The following CDK6 variants were observed in gnomAD, a reference collection of about 807,000 sequenced individuals.
CDK6 encodes the protein cyclin dependent kinase 6, also known as cyclin-dependent kinase 6.
In CDK6, 6 loss-of-function variants were observed where a neutral mutation model predicts 37.1. That is an observed-to-expected ratio of 0.16 (90% CI 0.09 to 0.32). The LOEUF (loss-of-function observed/expected upper bound fraction) is 0.32, where lower values mean the gene tolerates loss of function less well. CDK6 is among the 10% of genes least tolerant of loss of function. CDK6 has a pLI of 1.00. For synonymous variants in CDK6, 160 were observed against 161.3 expected, an observed-to-expected ratio of 0.99 and a Z score of 0.06; for missense variants, 224 against 418.9, an observed-to-expected ratio of 0.53 and a Z score of 4.06.
chr7:92,717,813 G>C (rs1462699017), intron 4 of CDK6, among the ~76,000 whole-genome samples: 1 of 152,198 alleles, frequency 6.6e-6, no homozygotes, highest in Non-Finnish European at 1.5e-5. Context: ...CAATTAGATA[G>C]CCACATGCAT....
intron 3 of CDK6, among the ~76,000 whole-genome samples, chr7:92,726,335 T>C (rs1562948325): frequency 1.3e-5 from 2 of 152,194 alleles, no homozygotes; most frequent in African/African-American, 4.8e-5. Flanking sequence ...ATTACACCAT[T>C]TTACAGGTCA....
intron 2 of CDK6, among the ~76,000 whole-genome samples, chr7:92,782,547 C>T (rs115936116): frequency 0.019 from 2,890 of 152,296 alleles, 95 homozygotes; most frequent in African/African-American, 0.067. Flanking sequence ...GAGTAAAACT[C>T]TACACTGGGA....
At chr7:92,789,713 T>C (rs1229956239) in intron 2 of CDK6, among the ~76,000 whole-genome samples, 4 of 152,204 alleles carry the variant, frequency 2.6e-5, no homozygotes, top group African/African-American at 9.6e-5. Flanking sequence ...ACAGTGAGCC[T>C]GGGACTGTGG....
chr7:92,657,295 A>G (rs982272370), intron 5 of CDK6, among the ~76,000 whole-genome samples: 1 of 152,166 alleles, frequency 6.6e-6, no homozygotes, highest in African/African-American at 2.4e-5. Context: ...TTATTTTCCT[A>G]TTGTAAGCAG....
intron 2 of CDK6, among the ~76,000 whole-genome samples, chr7:92,776,104 C>T (rs1331731062): frequency 1.3e-5 from 2 of 151,258 alleles, no homozygotes; most frequent in East Asian, 3.9e-4. Context: ...TGTTCCCCTC[C>T]CTGTGTCCAT....
chr7:92,685,050 T>C (rs191862452), intron 4 of CDK6, among the ~76,000 whole-genome samples: 1 of 152,342 alleles, frequency 6.6e-6, no homozygotes, highest in Non-Finnish European at 1.5e-5. Context: ...TTGCTGTACT[T>C]ACTGAATTTT....
chr7:92,657,463 G>A (rs1796722769), intron 5 of CDK6, among the ~76,000 whole-genome samples: 1 of 152,134 alleles, frequency 6.6e-6, no homozygotes, highest in Non-Finnish European at 1.5e-5. Context: ...TATTCTTCAA[G>A]CCTAGGCACT....
chr7:92,621,647 T>C (rs1795807199), intron 6 of CDK6, among the ~76,000 whole-genome samples: 2 of 152,174 alleles, frequency 1.3e-5, no homozygotes, highest in African/African-American at 4.8e-5. Flanking sequence ...CAAAATATAT[T>C]CAACAGTCAT....
At chr7:92,774,469 A>G (rs1264989362) in intron 3 of CDK6, among the ~76,000 whole-genome samples, 1 of 152,124 alleles carries the variant, frequency 6.6e-6, no homozygotes, top group Non-Finnish European at 1.5e-5. Context: ...TTTTCCACTT[A>G]GTTCTAAAAT....
chr7:92,805,634 C>A (rs1562970287), intron 2 of CDK6, among the ~76,000 whole-genome samples: 1 of 152,132 alleles, frequency 6.6e-6, no homozygotes, highest in Non-Finnish European at 1.5e-5. Flanking sequence ...CTAGTAACAC[C>A]TACATGGCTT....
chr7:92,607,675 C>A lies in CDK6; in HGVS notation c.*7465G>T, dbSNP rs561903973. The A allele has an allele frequency of 8.6e-5, 20 of 232,100 alleles. No individual in the cohort carries two copies. In the South Asian group the frequency reaches 3.6e-3, roughly 42 times the overall value. 14.4% of individuals were successfully genotyped at this position (232,100 alleles called of 1,614,324 possible). A position where few individuals can be genotyped will look rare whatever the true frequency, so the allele number is the denominator to read the frequency against. ...GTGTGATTCAGAAATAAATAACATA[C>A]ATGAATAATAATAGAAATAATTTAT... On this transcript the variant is annotated 3_prime_UTR_variant, in exon 8 of 8. Coordinates refer to ENST00000424848, the MANE Select transcript of CDK6 (RefSeq NM_001145306.2).
At chr7:92,802,062 C>A (rs375396951) in intron 2 of CDK6, among the ~76,000 whole-genome samples, 1 of 144,328 alleles carries the variant, frequency 6.9e-6, no homozygotes, top group African/African-American at 2.5e-5. Flanking sequence ...GGGGAACAAG[C>A]GCAATTTTGC....
intron 4 of CDK6, among the ~76,000 whole-genome samples, chr7:92,706,870 C>A (rs1022645164): frequency 6.6e-6 from 1 of 152,196 alleles, no homozygotes; most frequent in East Asian, 1.9e-4. Flanking sequence ...AGAATAGATA[C>A]GTGTGTAGCC....
At chr7:92,774,873 AAAG>A (rs776810192) in intron 2 of CDK6, 42 bp from the exon 3 acceptor site, 2 of 1,588,560 alleles carry the variant, frequency 1.3e-6, no homozygotes, top group East Asian at 4.6e-5. Context: ...GGCAATAAGC[AAAG>A]AAGTAACCTG....
intron 4 of CDK6, 110 bp downstream of exon 4, chr7:92,725,516 C>T: frequency 1.6e-6 from 2 of 1,214,926 alleles, no homozygotes; most frequent in Non-Finnish European, 2.3e-6. Flanking sequence ...GACATTCTAT[C>T]CACCAACTAG....
chr7:92,710,584 T>G (rs1798067262), intron 4 of CDK6: 1 of 352,246 alleles, frequency 2.8e-6, no homozygotes. Flanking sequence ...GATTGGATAT[T>G]TTGTACTTGT....
chr7:92,693,224 GT>G (rs1483776025), intron 4 of CDK6, among the ~76,000 whole-genome samples: 1 of 152,122 alleles, frequency 6.6e-6, no homozygotes, highest in African/African-American at 2.4e-5. Flanking sequence ...GGAGGTATTT[GT>G]TTTTCTTACC....
At chr7:92,808,083 T>C (rs1466929361) in intron 2 of CDK6, among the ~76,000 whole-genome samples, 3 of 152,210 alleles carry the variant, frequency 2.0e-5, no homozygotes, top group Admixed American at 6.6e-5. Context: ...GACTCCCCTG[T>C]AAATTAAAAA....
At chr7:92,740,004 T>C (rs1157182640) in intron 3 of CDK6, among the ~76,000 whole-genome samples, 1 of 152,198 alleles carries the variant, frequency 6.6e-6, no homozygotes, top group African/African-American at 2.4e-5. Context: ...GTAACTCTTC[T>C]GTCTTGGCCT....
Sources: allele counts gnomAD v4.1 joint callset (sites outside exome capture counted in the v4.1 genomes callset), GRCh38; gene constraint gnomAD v4.1.1; transcripts MANE v1.5; gene names NCBI Gene and HGNC (gene_info 2026-07-23, HGNC 2026-07-21).